Variants in KCNC1 observed in about 807,000 individuals in gnomAD.
KCNC1 encodes voltage-gated potassium channel KCNC1.
A neutral mutation model predicts 43.4 loss-of-function variants in KCNC1; 8 were observed. That is an observed-to-expected ratio of 0.18 (90% CI 0.11 to 0.33). The LOEUF (loss-of-function observed/expected upper bound fraction) is 0.33, where lower values mean the gene tolerates loss of function less well. Among genes scored for constraint, KCNC1 ranks in the 10% least tolerant of loss-of-function variants. The pLI is 1.00. For synonymous variants in KCNC1, 361 were observed against 360.5 expected (o/e 1.00, Z -0.01); for missense variants, 420 against 836.0 (o/e 0.50, Z 6.14).
At chr11:17,744,755 G>A (rs1848878792) in intron 1 of KCNC1, among the ~76,000 whole-genome samples, 1 of 152,104 alleles carries the variant, frequency 6.6e-6, no homozygotes, top group African/African-American at 2.4e-5. Flanking sequence ...GGCCAGGGCT[G>A]GGTAGGGGTG....
In KCNC1 at chr11:17,770,498, T is replaced by G. The variant is rs112675257; in HGVS notation, c.571-1167T>G. 5.3e-3 allele frequency among the ~76,000 whole-genome samples: 803 copies of G among 152,208 alleles called. 8 individuals are homozygous for G. The highest frequency in any genetic ancestry group is 0.019 in the African/African-American group (771 of 41,520). Reference sequence around the variant, plus strand: ...AGTCCCGGCGGGGCTGGCAGGAGACTGTGAGAAGAGACCTTGCCCCAGAAT... The same window carrying G: ...AGTCCCGGCGGGGCTGGCAGGAGACGGTGAGAAGAGACCTTGCCCCAGAAT... On this transcript the variant is annotated intron_variant, in intron 1 of 3. Transcript: ENST00000265969.
At chr11:17,760,589 C>T (rs1253013131) in intron 1 of KCNC1, among the ~76,000 whole-genome samples, 1 of 152,166 alleles carries the variant, frequency 6.6e-6, no homozygotes, top group African/African-American at 2.4e-5. Context: ...ACCACACTCC[C>T]TAAGGCCTCC....
At chr11:17,755,090 AG>A (rs1362310317) in intron 1 of KCNC1, among the ~76,000 whole-genome samples, 1 of 152,096 alleles carries the variant, frequency 6.6e-6, no homozygotes, top group African/African-American at 2.4e-5. Context: ...GGGTGCCATG[AG>A]GCAGTGAAGG....
At chr11:17,775,364 T>C in intron 2 of KCNC1, 1 of 980,974 alleles carries the variant, frequency 1.0e-6, no homozygotes, top group Non-Finnish European at 1.2e-6. Context: ...GTCTGAAGCC[T>C]CAGTCTGTGT....
rs1284857169 is a variant in KCNC1 at position 17,781,715 on chromosome 11, A to G, written c.1739A>G (p.Glu580Gly). ...SPVIAKYMPT[E>G]AVRVT ...GTCATTGCTAAGTATATGCCGACAG[A>G]GGCTGTGAGAGTGACTTGACCAGGC... Residue 580 changes from glutamate to glycine, a missense_variant, in exon 4 of 4, where the codon GAG becomes GGG. This residue lies in a region of KCNC1 where 147 missense variants were observed against 176.1 expected (regional missense o/e 0.83). Coordinates refer to ENST00000265969, the MANE Select transcript of KCNC1 (RefSeq NM_001112741.2). The surrounding 1 kb of genome is among the most constrained non-coding windows in gnomAD (Gnocchi z 5.1). 3 of 1,551,398 alleles carry G rather than the reference A, an allele frequency of 1.9e-6. No homozygotes were observed. The highest frequency in any genetic ancestry group is 1.7e-4 in the Middle Eastern group (1 of 6,014).
chr11:17,751,866 G>A (rs1848972801), intron 1 of KCNC1, among the ~76,000 whole-genome samples: 1 of 152,196 alleles, frequency 6.6e-6, no homozygotes, highest in African/African-American at 2.4e-5. Flanking sequence ...CTGCTCCGGA[G>A]TAGGGAGGTC....
intron 1 of KCNC1, among the ~76,000 whole-genome samples, chr11:17,738,726 GA>G (rs1284731842): frequency 6.6e-6 from 1 of 152,216 alleles, no homozygotes; most frequent in Non-Finnish European, 1.5e-5. Flanking sequence ...AAACCGTACA[GA>G]AAAGTCTTGA....
At chr11:17,761,582 C>T (rs1849078836) in intron 1 of KCNC1, among the ~76,000 whole-genome samples, 1 of 152,202 alleles carries the variant, frequency 6.6e-6, no homozygotes. Flanking sequence ...AGGCCATAGG[C>T]ATATGGTTCG....
chr11:17,759,770 C>T (rs1849058014), intron 1 of KCNC1, among the ~76,000 whole-genome samples: 1 of 151,986 alleles, frequency 6.6e-6, no homozygotes, highest in Non-Finnish European at 1.5e-5. Flanking sequence ...AAAACAATTA[C>T]AATAGTAGCA....
intron 1 of KCNC1, among the ~76,000 whole-genome samples, chr11:17,750,461 G>A (rs963680638): frequency 3.3e-5 from 5 of 152,110 alleles, no homozygotes; most frequent in African/African-American, 4.8e-5. Context: ...CGTGTCTCCC[G>A]AGGCCTGGCT....
At chr11:17,774,425 G>A in intron 2 of KCNC1, 1 of 985,510 alleles carries the variant, frequency 1.0e-6, no homozygotes, top group Non-Finnish European at 1.2e-6. Flanking sequence ...AGGTGCCCTG[G>A]GCCAGCCAGT....
Position 17,771,546 on chromosome 11 carries a change from G to T in KCNC1, c.571-119G>T. 1 of 854,946 alleles carries T rather than the reference G, an allele frequency of 1.2e-6. No individual in the cohort carries two copies. Among genetic ancestry groups the T allele is most frequent in the East Asian group, 2.4e-5 (1 of 40,964 alleles). 53.0% of individuals were successfully genotyped at this position (854,946 alleles called of 1,614,324 possible). A position where few individuals can be genotyped will look rare whatever the true frequency, so the allele number is the denominator to read the frequency against. ...CCCTGAGGAGGGAAATGTAGCACGT[G>T]CTGCAGGGGGCCTGGTGCTGGCATC... On this transcript the variant is annotated intron_variant, in intron 1 of 3. Coordinates refer to ENST00000265969, the MANE Select transcript of KCNC1 (RefSeq NM_001112741.2). This position sits in a 1 kb window ranked among gnomAD's most constrained non-coding sequence, Gnocchi z 4.7.
Position 17,773,559 on chromosome 11 carries a change from C to T in KCNC1, c.1504+961C>T, listed in dbSNP as rs571379144. ...ACTTTCCCGTGAATTCACTGGGGGC[C>T]GGGAGGGGGGAGGGGGGCATGAAAC... On this transcript the variant is annotated intron_variant, in intron 2 of 3. Coordinates refer to ENST00000265969, the MANE Select transcript of KCNC1 (RefSeq NM_001112741.2). The surrounding 1 kb of genome is among the most constrained non-coding windows in gnomAD (Gnocchi z 4.1). 2.4e-4 allele frequency: 134 copies of T among 548,950 alleles called. No individual in the cohort carries two copies. Among genetic ancestry groups the T allele is most frequent in the African/African-American group, 2.1e-3 (54 of 25,966 alleles). 34.0% of individuals were successfully genotyped at this position (548,950 alleles called of 1,614,324 possible). A position where few individuals can be genotyped will look rare whatever the true frequency, so the allele number is the denominator to read the frequency against.
Position 17,773,308 on chromosome 11 carries a change from G to A in KCNC1, c.1504+710G>A. 1.0e-6 allele frequency: 1 copy of A among 985,436 alleles called. No homozygotes were observed. The highest frequency in any genetic ancestry group is 1.2e-6 in the Non-Finnish European group (1 of 829,948). The allele number at this position is 985,436 out of a possible 1,614,324, so 61.0% of individuals were successfully genotyped here. ...TAGCCTTTATCTTTAGGAACCTGTT[G>A]AAGTGACTCTAGCTTTCACGTTGTC... On this transcript the variant is annotated intron_variant, in intron 2 of 3. Coordinates refer to ENST00000265969, the MANE Select transcript of KCNC1 (RefSeq NM_001112741.2). The surrounding 1 kb of genome is among the most constrained non-coding windows in gnomAD (Gnocchi z 4.1).
chr11:17,765,259 G>A (rs886479422), intron 1 of KCNC1, among the ~76,000 whole-genome samples: 1 of 152,232 alleles, frequency 6.6e-6, no homozygotes, highest in African/African-American at 2.4e-5. Context: ...ACGCCAGACT[G>A]CATGAACACA....
At chr11:17,737,243 C>G (rs141263706) in intron 1 of KCNC1, among the ~76,000 whole-genome samples, 1 of 152,014 alleles carries the variant, frequency 6.6e-6, no homozygotes, top group South Asian at 2.1e-4. Flanking sequence ...TCTGAGCCCC[C>G]GATCCTGAGA....
At chr11:17,738,080 T>C (rs1289483223) in intron 1 of KCNC1, among the ~76,000 whole-genome samples, 4 of 151,818 alleles carry the variant, frequency 2.6e-5, no homozygotes, top group African/African-American at 9.7e-5. Context: ...GGGGAGGCAA[T>C]AGGGAGAGAG....
At chr11:17,770,454 G>A (rs1565162235) in intron 1 of KCNC1, among the ~76,000 whole-genome samples, 2 of 152,238 alleles carry the variant, frequency 1.3e-5, no homozygotes, top group South Asian at 4.1e-4. Context: ...CAGGGCCAAG[G>A]GAGGCCACAG....
At chr11:17,740,513 T>C (rs1848826097) in intron 1 of KCNC1, among the ~76,000 whole-genome samples, 1 of 152,000 alleles carries the variant, frequency 6.6e-6, no homozygotes, top group Non-Finnish European at 1.5e-5. Flanking sequence ...TGCCCTCCTG[T>C]CTTCCTTGGG....
Sources: gnomAD v4.1 joint callset for allele counts (sites outside exome capture counted in the v4.1 genomes callset) on GRCh38, gnomAD v4.1.1 for gene constraint, gnomAD v4.1.1 regional missense constraint, Gnocchi (gnomAD v3.1) non-coding constraint, MANE v1.5 for transcripts, NCBI Gene and HGNC (gene_info 2026-07-23, HGNC 2026-07-21) for gene names.